Variants in SLC4A4 observed in about 807,000 individuals in gnomAD.
SLC4A4 encodes the protein electrogenic sodium bicarbonate cotransporter 1.
SLC4A4 carries 27 observed loss-of-function variants against 111.5 expected under a neutral mutation model. That is an observed-to-expected ratio of 0.24 (90% CI 0.18 to 0.33). The LOEUF (loss-of-function observed/expected upper bound fraction) is 0.33. Ranked by LOEUF, SLC4A4 falls within the 10% of genes least tolerant of loss-of-function variation. The pLI, the probability that SLC4A4 is intolerant of heterozygous loss-of-function variation, is 1.00. For missense variants in SLC4A4, 909 were observed against 1,315.5 expected (o/e 0.69, Z 4.78); for synonymous variants, 443 against 463.4 (o/e 0.96, Z 0.57).
Position 71,442,838 on chromosome 4 carries a change from G to A in SLC4A4, c.965+2065G>A, listed in dbSNP as rs920106174. On this transcript the variant is annotated intron_variant, in intron 8 of 25. Transcript: ENST00000264485. ...CTCTAGCAGCTCCCATTTCTTGTGC[G>A]GAGTTCACCAATTTCATTATTTACT... 4.0e-5 allele frequency among the ~76,000 whole-genome samples: 6 copies of A among 151,710 alleles called. No individual in the cohort carries two copies. In the East Asian group the frequency reaches 5.8e-4, roughly 15 times the overall value.
intron 3 of SLC4A4, among the ~76,000 whole-genome samples, chr4:71,332,738 G>C (rs1327058907): frequency 3.3e-5 from 5 of 152,206 alleles, no homozygotes; most frequent in African/African-American, 9.6e-5. Flanking sequence ...GGCCGACTGT[G>C]TATTTTCAAA....
At chr4:71,367,991 G>T (rs4277753) in intron 6 of SLC4A4, among the ~76,000 whole-genome samples, 1 of 152,210 alleles carries the variant, frequency 6.6e-6, no homozygotes, top group African/African-American at 2.4e-5. Context: ...CATATTTGCT[G>T]TTGGTTGGAT....
chr4:71,534,338 G>C lies in SLC4A4; in HGVS notation c.2392G>C (p.Asp798His), dbSNP rs751733804. 6.2e-7 allele frequency: 1 copy of C among 1,613,546 alleles called. No homozygotes were observed. Among genetic ancestry groups the C allele is most frequent in the Non-Finnish European group, 8.5e-7 (1 of 1,179,718 alleles). The change falls in exon 18 of 26, where the codon GAC becomes CAC. Residue 798 changes from aspartate to histidine, a missense_variant. Transcript: ENST00000264485. ...GTTGGTCACTATACTGATTTTCATG[G>C]ACCAACAAATTACAGCTGTGATTGT... ...ALLVTILIFM[D>H]QQITAVIVNR...
intron 5 of SLC4A4, among the ~76,000 whole-genome samples, chr4:71,351,319 G>A (rs1300323663): frequency 6.6e-6 from 1 of 152,086 alleles, no homozygotes; most frequent in Non-Finnish European, 1.5e-5. Context: ...CCCTAACCCA[G>A]GAACTAGACT....
intron 1 of SLC4A4, among the ~76,000 whole-genome samples, chr4:71,194,027 T>G (rs1745874401): frequency 6.6e-6 from 1 of 152,182 alleles, no homozygotes; most frequent in African/African-American, 2.4e-5. Flanking sequence ...CTCAGAAACA[T>G]GCAGAACTTG....
intron 1 of SLC4A4, among the ~76,000 whole-genome samples, chr4:71,233,849 T>A (rs1323107607): frequency 6.6e-6 from 1 of 152,130 alleles, no homozygotes; most frequent in African/African-American, 2.4e-5. Flanking sequence ...GGTAATCTTT[T>A]AAAAATGAAA....
intron 2 of SLC4A4, among the ~76,000 whole-genome samples, chr4:71,113,927 A>G (rs1274959764): frequency 6.6e-6 from 1 of 152,210 alleles, no homozygotes; most frequent in Non-Finnish European, 1.5e-5. Context: ...ATACCTTATT[A>G]GCAGACTAAA....
intron 2 of SLC4A4, among the ~76,000 whole-genome samples, chr4:71,169,269 G>A (rs765296191): frequency 6.6e-6 from 1 of 151,782 alleles, no homozygotes; most frequent in Non-Finnish European, 1.5e-5. Flanking sequence ...ACCTGCCTTG[G>A]CCTCTCAAAG....
At chr4:71,288,414 T>C (rs993394716) in intron 3 of SLC4A4, among the ~76,000 whole-genome samples, 1 of 151,888 alleles carries the variant, frequency 6.6e-6, no homozygotes, top group Non-Finnish European at 1.5e-5. Context: ...GGGATTTTTT[T>C]TTTTTACAGA....
At chr4:71,437,173 C>T in intron 7 of SLC4A4, 1 of 436,798 alleles carries the variant, frequency 2.3e-6, no homozygotes, top group Non-Finnish European at 4.5e-6. Flanking sequence ...AATATTGACT[C>T]CACTCCACAC....
chr4:71,316,286 C>T (rs1050485875), intron 3 of SLC4A4, among the ~76,000 whole-genome samples: 3 of 152,056 alleles, frequency 2.0e-5, no homozygotes, highest in African/African-American at 4.8e-5. Context: ...AGTCTTGCTG[C>T]GCTTGAAGTT....
At chr4:71,132,327 C>T (rs930237700) in intron 2 of SLC4A4, among the ~76,000 whole-genome samples, 1 of 152,140 alleles carries the variant, frequency 6.6e-6, no homozygotes, top group Non-Finnish European at 1.5e-5. Context: ...AAATGTATAT[C>T]AGCTAACGGC....
At chr4:71,107,779 C>G (rs2148950237) in intron 2 of SLC4A4, among the ~76,000 whole-genome samples, 1 of 151,746 alleles carries the variant, frequency 6.6e-6, no homozygotes, top group Middle Eastern at 3.4e-3. Flanking sequence ...ATGATCATAG[C>G]TCATTGCAGC....
intron 6 of SLC4A4, among the ~76,000 whole-genome samples, chr4:71,383,237 C>T (rs191258025): frequency 6.6e-6 from 1 of 152,208 alleles, no homozygotes; most frequent in African/African-American, 2.4e-5. Context: ...TAGAAATTAC[C>T]ATTAAAGAAC....
In SLC4A4 at chr4:71,266,091, T is replaced by C. The variant is rs997722007; in HGVS notation, c.253+10692T>C. Among the ~76,000 whole-genome samples the C allele has an allele frequency of 7.2e-5, 11 of 152,230 alleles. No homozygotes were observed. In the East Asian group the frequency reaches 1.9e-3, roughly 27 times the overall value. On this transcript the variant is annotated intron_variant, in intron 3 of 25. Transcript: ENST00000264485. ...TAAGGTCCAGCTTTAACAAAGATGC[T>C]ACCCTGAGCGTCCACACCAAATCCA...
intron 6 of SLC4A4, among the ~76,000 whole-genome samples, chr4:71,365,207 G>A (rs1050533730): frequency 2.0e-5 from 3 of 152,148 alleles, no homozygotes; most frequent in East Asian, 3.8e-4. Context: ...TTCTCTTTGC[G>A]TTTATGCTAC....
chr4:71,175,685 T>A (rs1346942456), intron 2 of SLC4A4, among the ~76,000 whole-genome samples: 4 of 152,110 alleles, frequency 2.6e-5, no homozygotes, highest in Non-Finnish European at 4.4e-5. Flanking sequence ...GTCAGGAAGC[T>A]CCAACTGGGT....
Position 71,231,224 on chromosome 4 carries a change from C to G in SLC4A4, c.-1-5352C>G, listed in dbSNP as rs1339647648. ...TGAAACTTGTGTGCTGGCGGCCTGC[C>G]ACGTGCTGACTGGCTGAGTGGCAGC... On this transcript the variant is annotated intron_variant, in intron 1 of 25. Transcript: ENST00000264485. Among the ~76,000 whole-genome samples the G allele has an allele frequency of 7.2e-5, 11 of 152,206 alleles. No homozygotes were observed. The East Asian group carries it at 2.1e-3, about 29-fold the overall frequency.
intron 7 of SLC4A4, among the ~76,000 whole-genome samples, chr4:71,405,505 C>T (rs982083864): frequency 3.9e-5 from 6 of 151,952 alleles, no homozygotes; most frequent in Admixed American, 1.3e-4. Context: ...ATTTTCAGTT[C>T]TTTGCTGTAC....
Sources: allele counts gnomAD v4.1 joint callset (sites outside exome capture counted in the v4.1 genomes callset), GRCh38; gene constraint gnomAD v4.1.1; transcripts MANE v1.5; gene names NCBI Gene and HGNC (gene_info 2026-07-23, HGNC 2026-07-21).